WWOX: variants seen among roughly 807,000 people sequenced by gnomAD.
WWOX encodes the protein WW domain-containing oxidoreductase.
In WWOX, 69 loss-of-function variants were observed where a neutral mutation model predicts 46.2. That is an observed-to-expected ratio of 1.49 (90% CI 1.23 to 1.82). The LOEUF is 1.82. Ranked by LOEUF, WWOX falls within the 40% of genes most tolerant of loss-of-function variation. The pLI is 0.00. For missense variants in WWOX, 919 were observed against 542.6 expected, an observed-to-expected ratio of 1.69 and a Z score of -6.89; for synonymous variants, 359 against 202.6, an observed-to-expected ratio of 1.77 and a Z score of -6.56.
At chr16:78,581,364 T>C (rs1297233165) in intron 8 of WWOX, among the ~76,000 whole-genome samples, 1 of 152,208 alleles carries the variant, frequency 6.6e-6, no homozygotes, top group African/African-American at 2.4e-5. Context: ...CTGTACCCTT[T>C]TTCATATGAA....
intron 5 of WWOX, among the ~76,000 whole-genome samples, chr16:78,271,200 T>G (rs2079471507): frequency 6.6e-6 from 1 of 152,214 alleles, no homozygotes; most frequent in Non-Finnish European, 1.5e-5. Context: ...TTTGATGATT[T>G]CGTATGTTAT....
At chr16:78,609,242 A>G (rs1391824484) in intron 8 of WWOX, among the ~76,000 whole-genome samples, 2 of 152,206 alleles carry the variant, frequency 1.3e-5, no homozygotes, top group African/African-American at 4.8e-5. Flanking sequence ...TGGTGTTTGC[A>G]TCTTGAAAGT....
intron 8 of WWOX, among the ~76,000 whole-genome samples, chr16:78,693,690 C>T (rs1314820931): frequency 6.6e-6 from 1 of 152,082 alleles, no homozygotes; most frequent in African/African-American, 2.4e-5. Context: ...GGATGGAGGG[C>T]AGGTGTGCTA....
rs553730185 is a variant in WWOX, at chr16:78,356,686, G to C, written c.517-30174G>C. Among the ~76,000 whole-genome samples, 17 of 152,294 alleles carry C rather than the reference G, an allele frequency of 1.1e-4. No individual in the cohort carries two copies. The East Asian group carries it at 3.3e-3, about 29-fold the overall frequency. ...TCACGAGGTCAGCAGTTGAAGACCA[G>C]CCTGGCCAGCATGGTGAAACCCCGT... On this transcript the variant is annotated intron_variant, in intron 5 of 8. Transcript: ENST00000566780.
intron 8 of WWOX, among the ~76,000 whole-genome samples, chr16:78,528,496 C>T (rs1182521611): frequency 3.3e-5 from 5 of 152,020 alleles, no homozygotes; most frequent in African/African-American, 9.7e-5. Flanking sequence ...ATGATTGATT[C>T]ATGATGACTT....
At chr16:79,186,304 G>T (rs1597456595) in intron 8 of WWOX, among the ~76,000 whole-genome samples, 1 of 152,200 alleles carries the variant, frequency 6.6e-6, no homozygotes, top group East Asian at 1.9e-4. Context: ...CTAGAAGCCA[G>T]ACGTCTGAGA....
chr16:79,160,252 G>T (rs1028555647), intron 8 of WWOX, among the ~76,000 whole-genome samples: 2 of 152,120 alleles, frequency 1.3e-5, no homozygotes, highest in Non-Finnish European at 2.9e-5. Flanking sequence ...AGACATCCCT[G>T]GTCCACAGAG....
At chr16:78,701,816 A>T (rs1352316343) in intron 8 of WWOX, among the ~76,000 whole-genome samples, 5 of 151,486 alleles carry the variant, frequency 3.3e-5, no homozygotes, top group Admixed American at 3.3e-4. Flanking sequence ...ACACATCTTG[A>T]GTTTCTCTCC....
intron 5 of WWOX, among the ~76,000 whole-genome samples, chr16:78,240,533 A>G (rs1039914680): frequency 7.9e-5 from 12 of 152,068 alleles, no homozygotes; most frequent in Non-Finnish European, 1.6e-4. Context: ...TGGTCTCCTG[A>G]ACTGTGAGAG....
intron 8 of WWOX, among the ~76,000 whole-genome samples, chr16:78,916,511 C>T (rs2045255339): frequency 6.6e-6 from 1 of 152,096 alleles, no homozygotes; most frequent in African/African-American, 2.4e-5. Context: ...AGGAGAATTA[C>T]CAGTAGAGTG....
intron 8 of WWOX, among the ~76,000 whole-genome samples, chr16:78,779,177 C>G (rs554824782): frequency 6.6e-6 from 1 of 152,118 alleles, no homozygotes; most frequent in Non-Finnish European, 1.5e-5. Context: ...GAGACAGGGT[C>G]TTTGTTTCCC....
At chr16:78,361,736 C>T (rs2081414237) in intron 5 of WWOX, among the ~76,000 whole-genome samples, 1 of 152,078 alleles carries the variant, frequency 6.6e-6, no homozygotes, top group South Asian at 2.1e-4. Context: ...CTCAGCCTCC[C>T]AAGGAGCTGG....
chr16:78,485,476 G>A (rs1001206541), intron 8 of WWOX, among the ~76,000 whole-genome samples: 1 of 152,168 alleles, frequency 6.6e-6, no homozygotes, highest in Non-Finnish European at 1.5e-5. Flanking sequence ...CGTTTGGTTG[G>A]AAAGTTATTT....
At chr16:78,982,087 A>C (rs1420197255) in intron 8 of WWOX, among the ~76,000 whole-genome samples, 5 of 151,404 alleles carry the variant, frequency 3.3e-5, no homozygotes, top group Non-Finnish European at 7.4e-5. Context: ...TCTGAGCCTC[A>C]CTGGGGATGG....
chr16:78,897,884 C>G (rs768857769), intron 8 of WWOX: 1 of 152,106 alleles, frequency 6.6e-6, no homozygotes, highest in Admixed American at 6.5e-5. Context: ...GAAACGCTAT[C>G]TCTTGCTAGT....
chr16:78,227,437 A>T (rs1013836661), intron 5 of WWOX, among the ~76,000 whole-genome samples: 9 of 152,166 alleles, frequency 5.9e-5, no homozygotes, highest in African/African-American at 2.2e-4. Context: ...ATCTCTGAAA[A>T]TATCTCTCAT....
intron 8 of WWOX, chr16:78,873,170 G>T (rs1358343789): frequency 6.6e-6 from 1 of 152,154 alleles, no homozygotes; most frequent in African/African-American, 2.4e-5. Flanking sequence ...TATTCAGTTT[G>T]TGAAAAATTT....
At chr16:78,469,795 G>T (rs752141338) in intron 8 of WWOX, among the ~76,000 whole-genome samples, 2 of 152,118 alleles carry the variant, frequency 1.3e-5, no homozygotes, top group Non-Finnish European at 2.9e-5. Flanking sequence ...CTTCCTCTCA[G>T]TGCTAGCCAG....
At chr16:78,681,915 G>A (rs2047739116) in intron 8 of WWOX, among the ~76,000 whole-genome samples, 2 of 152,168 alleles carry the variant, frequency 1.3e-5, no homozygotes, top group Non-Finnish European at 2.9e-5. Context: ...TCATTCTCTA[G>A]TTCTGGGTTG....
Sources: allele counts gnomAD v4.1 joint callset (sites outside exome capture counted in the v4.1 genomes callset), GRCh38; gene constraint gnomAD v4.1.1; transcripts MANE v1.5; gene names NCBI Gene and HGNC (gene_info 2026-07-23, HGNC 2026-07-21).